Variants in CCSER1 observed in about 807,000 individuals in gnomAD.
CCSER1 encodes the protein serine-rich coiled-coil domain-containing protein 1.
In CCSER1, 41 loss-of-function variants were observed where a neutral mutation model predicts 82.0. That is an observed-to-expected ratio of 0.50 (90% CI 0.39 to 0.65). The LOEUF (loss-of-function observed/expected upper bound fraction) is 0.65, where lower values mean the gene tolerates loss of function less well. Ranked by LOEUF, CCSER1 falls within the 30% of genes least tolerant of loss-of-function variation. The probability of loss-of-function intolerance (pLI) is 0.00; values close to 1 mark genes in which losing one functional copy is unlikely to be tolerated. For missense variants in CCSER1, 1,119 were observed against 1,064.2 expected (o/e 1.05, Z -0.72); for synonymous variants, 414 against 383.9 (o/e 1.08, Z -0.92).
intron 10 of CCSER1, among the ~76,000 whole-genome samples, chr4:91,459,379 G>C (rs1756374899): frequency 6.6e-6 from 1 of 152,052 alleles, no homozygotes; most frequent in Non-Finnish European, 1.5e-5. Context: ...AGGCATGAGT[G>C]TTTCTGGGAG....
At chr4:91,439,388 A>G (rs1229957993) in intron 10 of CCSER1, among the ~76,000 whole-genome samples, 1 of 152,138 alleles carries the variant, frequency 6.6e-6, no homozygotes. Context: ...ACTAAGCTTC[A>G]TAAGTGCAAG....
chr4:90,160,618 C>T (rs1442759744), intron 1 of CCSER1, among the ~76,000 whole-genome samples: 1 of 152,050 alleles, frequency 6.6e-6, no homozygotes, highest in Non-Finnish European at 1.5e-5. Context: ...GTAGAAGGCA[C>T]AGGAAATAGG....
At chr4:91,330,075 C>T in intron 10 of CCSER1, among the ~76,000 whole-genome samples, 1 of 151,754 alleles carries the variant, frequency 6.6e-6, no homozygotes, top group Non-Finnish European at 1.5e-5. Context: ...AATTTTTTGC[C>T]TTTACTTTTT....
At chr4:91,367,045 G>C (rs1749661328) in intron 10 of CCSER1, among the ~76,000 whole-genome samples, 1 of 148,190 alleles carries the variant, frequency 6.7e-6, no homozygotes, top group South Asian at 2.1e-4. Flanking sequence ...TATAATCCTA[G>C]CATTTTGGGA....
At chr4:90,847,048 A>G (rs1305551541) in intron 8 of CCSER1, among the ~76,000 whole-genome samples, 1 of 152,224 alleles carries the variant, frequency 6.6e-6, no homozygotes, top group Non-Finnish European at 1.5e-5. Flanking sequence ...CCCCATTTGT[A>G]GCATACTTTT....
At chr4:91,070,031 C>G (rs908211533) in intron 9 of CCSER1, among the ~76,000 whole-genome samples, 2 of 150,604 alleles carry the variant, frequency 1.3e-5, no homozygotes, top group Middle Eastern at 6.8e-3. Context: ...GTCACCCAGG[C>G]TGGAGTGCAG....
chr4:90,526,109 TA>T (rs1194887793), intron 5 of CCSER1, among the ~76,000 whole-genome samples: 1 of 152,168 alleles, frequency 6.6e-6, no homozygotes, highest in Non-Finnish European at 1.5e-5. Context: ...ATACTTCCCT[TA>T]AAAATTGAGA....
intron 9 of CCSER1, among the ~76,000 whole-genome samples, chr4:90,978,786 G>A (rs927956903): frequency 6.6e-6 from 1 of 151,716 alleles, no homozygotes; most frequent in Admixed American, 6.6e-5. Context: ...AGAAGTCATT[G>A]ATGGGAATTG....
chr4:91,547,015 G>A (rs764873981), intron 10 of CCSER1, among the ~76,000 whole-genome samples: 5 of 120,176 alleles, frequency 4.2e-5, no homozygotes, highest in Non-Finnish European at 8.8e-5. Flanking sequence ...GGAGTGTGTT[G>A]TTTAAATTCC....
At chr4:91,581,332 T>C (rs540614863) in intron 10 of CCSER1, among the ~76,000 whole-genome samples, 49 of 151,880 alleles carry the variant, frequency 3.2e-4, no homozygotes, top group Middle Eastern at 3.4e-3. Flanking sequence ...CTCAGTGTTT[T>C]TGGTATAGCA....
intron 10 of CCSER1, among the ~76,000 whole-genome samples, chr4:91,113,644 A>G (rs1435894926): frequency 6.6e-6 from 1 of 152,200 alleles, no homozygotes; most frequent in Non-Finnish European, 1.5e-5. Flanking sequence ...TTGACAAAAT[A>G]AGCTATTATT....
chr4:90,376,245 C>A (rs1177833710), intron 3 of CCSER1, among the ~76,000 whole-genome samples: 4 of 152,124 alleles, frequency 2.6e-5, no homozygotes, highest in Non-Finnish European at 5.9e-5. Flanking sequence ...TTATTGCACA[C>A]CCTATGTGAA....
chr4:91,198,898 G>A (rs1413609330), intron 10 of CCSER1, among the ~76,000 whole-genome samples: 1 of 152,068 alleles, frequency 6.6e-6, no homozygotes, highest in East Asian at 1.9e-4. Context: ...ATTTAAGTGT[G>A]CTAATGATCT....
At chr4:90,139,528 G>T (rs1028261322) in intron 1 of CCSER1, among the ~76,000 whole-genome samples, 1 of 151,334 alleles carries the variant, frequency 6.6e-6, no homozygotes, top group Non-Finnish European at 1.5e-5. Context: ...TTTTTTTCAC[G>T]TATTGCCAAC....
chr4:90,214,228 A>C (rs964048965), intron 1 of CCSER1, among the ~76,000 whole-genome samples: 5 of 152,150 alleles, frequency 3.3e-5, no homozygotes, highest in African/African-American at 1.2e-4. Context: ...GGGAGATTAC[A>C]TGGACAGAGT....
At chr4:91,064,831 C>A (rs1349390339) in intron 9 of CCSER1, among the ~76,000 whole-genome samples, 1 of 151,112 alleles carries the variant, frequency 6.6e-6, no homozygotes, top group South Asian at 2.1e-4. Context: ...AGGGACAATA[C>A]GTAGGGGACA....
At chr4:90,482,367 T>C (rs555458872) in intron 5 of CCSER1, among the ~76,000 whole-genome samples, 366 of 152,300 alleles carry the variant, frequency 2.4e-3, no homozygotes, top group Admixed American at 3.5e-3. Flanking sequence ...GTGTCTCTAT[T>C]TCCTTCAGTT....
At chr4:91,427,714 TATAAA>T (rs1460754419) in intron 10 of CCSER1, among the ~76,000 whole-genome samples, 1 of 152,096 alleles carries the variant, frequency 6.6e-6, no homozygotes, top group Non-Finnish European at 1.5e-5. Context: ...CCATTATTCT[TATAAA>T]ATAATATAAT....
chr4:90,157,109 AT>A (rs1728377364), intron 1 of CCSER1, among the ~76,000 whole-genome samples: 1 of 152,066 alleles, frequency 6.6e-6, no homozygotes, highest in Non-Finnish European at 1.5e-5. Flanking sequence ...TCTGTAAAGT[AT>A]TTTATTTCTC....
Sources: gnomAD v4.1 joint callset for allele counts (sites outside exome capture counted in the v4.1 genomes callset) on GRCh38, gnomAD v4.1.1 for gene constraint, MANE v1.5 for transcripts, NCBI Gene and HGNC (gene_info 2026-07-23, HGNC 2026-07-21) for gene names.